Variants in HRH1 observed in about 807,000 individuals in gnomAD.
HRH1 encodes the protein histamine H1 receptor.
Under a neutral mutation model 10.3 loss-of-function variants are expected in HRH1, and 6 were observed. The observed-to-expected ratio is 0.58, with a 90% CI of 0.32 to 1.15. HRH1 has a LOEUF of 1.15. HRH1 is among the 50% of genes most tolerant of loss of function. The probability of loss-of-function intolerance (pLI) is 0.05; values close to 1 mark genes in which losing one functional copy is unlikely to be tolerated. For synonymous variants in HRH1, 242 were observed against 236.7 expected, an observed-to-expected ratio of 1.02 and a Z score of -0.21; for missense variants, 514 against 615.3, an observed-to-expected ratio of 0.84 and a Z score of 1.74.
intron 1 of HRH1, among the ~76,000 whole-genome samples, chr3:11,203,288 T>C (rs1937999401): frequency 1.3e-5 from 2 of 152,216 alleles, no homozygotes; most frequent in Admixed American, 6.5e-5. Flanking sequence ...AATTGCTGCA[T>C]GGTATGGTAA....
At chr3:11,141,010 G>A (rs1255912967) in intron 1 of HRH1, among the ~76,000 whole-genome samples, 1 of 152,152 alleles carries the variant, frequency 6.6e-6, no homozygotes, top group Non-Finnish European at 1.5e-5. Flanking sequence ...TGCCTTTGGA[G>A]TGTACCCTCT....
At chr3:11,148,583 T>A (rs1936516113) in intron 1 of HRH1, among the ~76,000 whole-genome samples, 1 of 152,098 alleles carries the variant, frequency 6.6e-6, no homozygotes, top group Non-Finnish European at 1.5e-5. Context: ...TCAAAATGGC[T>A]ACCGAAGCTC....
At chr3:11,220,552 G>A (rs891138642) in intron 1 of HRH1, among the ~76,000 whole-genome samples, 2 of 152,216 alleles carry the variant, frequency 1.3e-5, no homozygotes, top group Non-Finnish European at 1.5e-5. Flanking sequence ...CATGCACACC[G>A]GCAGGTGAAA....
chr3:11,168,331 A>G (rs1168435370), intron 1 of HRH1, among the ~76,000 whole-genome samples: 3 of 152,188 alleles, frequency 2.0e-5, no homozygotes, highest in African/African-American at 7.2e-5. Context: ...TTCAGAAGAC[A>G]CTGAGAGCCT....
At chr3:11,228,554 G>A (rs953970981) in intron 1 of HRH1, among the ~76,000 whole-genome samples, 3 of 152,066 alleles carry the variant, frequency 2.0e-5, no homozygotes, top group African/African-American at 7.2e-5. Context: ...GGAAATATAA[G>A]TGAATATCAC....
intron 1 of HRH1, among the ~76,000 whole-genome samples, chr3:11,254,950 C>T (rs1413968882): frequency 6.6e-6 from 1 of 152,074 alleles, no homozygotes; most frequent in Admixed American, 6.6e-5. Context: ...TAAGCTAATT[C>T]GATTGGCTAA....
rs949614677 is a variant in HRH1 at position 11,181,042 on chromosome 3, G to T, written c.-36+26488G>T. 2.0e-5 allele frequency among the ~76,000 whole-genome samples: 3 copies of T among 150,224 alleles called. No individual in the cohort carries two copies. The Admixed American group carries it at 2.0e-4, about 10-fold the overall frequency. On this transcript the variant is annotated intron_variant, in intron 1 of 1. Transcript: ENST00000431010. ...TCATGCCTGTAATCTCAGCACTTTG[G>T]GAGGCTGAGGCAGGAGGATAGCTTG...
At chr3:11,238,158 G>A (rs1315513243) in intron 1 of HRH1, among the ~76,000 whole-genome samples, 6 of 152,090 alleles carry the variant, frequency 3.9e-5, no homozygotes, top group Non-Finnish European at 8.8e-5. Context: ...GGGTTGTGGG[G>A]AGCAGACAAA....
chr3:11,228,104 C>T (rs1375775536), intron 1 of HRH1, among the ~76,000 whole-genome samples: 2 of 152,288 alleles, frequency 1.3e-5, no homozygotes, highest in East Asian at 1.9e-4. Context: ...AACTGTGGTG[C>T]GTTAAAGGCA....
intron 1 of HRH1, among the ~76,000 whole-genome samples, chr3:11,147,806 A>C (rs918769513): frequency 6.6e-6 from 1 of 152,216 alleles, no homozygotes; most frequent in Non-Finnish European, 1.5e-5. Flanking sequence ...GATGGACTTT[A>C]GGCCCAGGCT....
chr3:11,162,255 T>C (rs1260607533), intron 1 of HRH1, among the ~76,000 whole-genome samples: 1 of 152,128 alleles, frequency 6.6e-6, no homozygotes, highest in Non-Finnish European at 1.5e-5. Context: ...GGAGGAGCCA[T>C]TGAGGAGCTG....
rs537626962 is a variant in HRH1, at chr3:11,155,175, T to G, written c.-36+621T>G. Among the ~76,000 whole-genome samples the G allele has an allele frequency of 1.2e-4, 18 of 152,222 alleles. No individual in the cohort carries two copies. The South Asian group carries it at 3.7e-3, about 32-fold the overall frequency. On this transcript the variant is annotated intron_variant, in intron 1 of 1. Transcript: ENST00000431010. ...GTCACCTGGAGTCGGGGGTGGGAAC[T>G]GTCCGGACCACCACCCGCCCTTCCC...
chr3:11,255,309 TA>T (rs1559287378), intron 1 of HRH1, among the ~76,000 whole-genome samples: 1 of 152,162 alleles, frequency 6.6e-6, no homozygotes, highest in Non-Finnish European at 1.5e-5. Flanking sequence ...CTCTCCCCTC[TA>T]TGTGCCAGAC....
At chr3:11,225,178 A>G (rs959623475) in intron 1 of HRH1, among the ~76,000 whole-genome samples, 1 of 152,244 alleles carries the variant, frequency 6.6e-6, no homozygotes, top group Non-Finnish European at 1.5e-5. Context: ...ATTTTCTTGT[A>G]GATTCCCCAG....
chr3:11,182,252 G>A (rs1937372264), intron 1 of HRH1, among the ~76,000 whole-genome samples: 1 of 152,266 alleles, frequency 6.6e-6, no homozygotes, highest in South Asian at 2.1e-4. Flanking sequence ...AAAGTGCTGG[G>A]ATTACAAGTG....
chr3:11,188,647 T>C (rs1937491383), intron 1 of HRH1, among the ~76,000 whole-genome samples: 1 of 152,186 alleles, frequency 6.6e-6, no homozygotes, highest in Admixed American at 6.5e-5. Flanking sequence ...TGAGAAACAC[T>C]CTTGAATGTT....
At chr3:11,173,614 T>C (rs1937196424) in intron 1 of HRH1, among the ~76,000 whole-genome samples, 1 of 151,720 alleles carries the variant, frequency 6.6e-6, no homozygotes, top group Admixed American at 6.6e-5. Flanking sequence ...TTTATAAAAA[T>C]ATATTTTAAA....
At chr3:11,237,353 A>G (rs1939208505) in intron 1 of HRH1, among the ~76,000 whole-genome samples, 1 of 152,186 alleles carries the variant, frequency 6.6e-6, no homozygotes, top group South Asian at 2.1e-4. Context: ...TCACAATGGA[A>G]AAGAGGATGG....
At chr3:11,238,204 A>G (rs879588879) in intron 1 of HRH1, among the ~76,000 whole-genome samples, 2 of 152,194 alleles carry the variant, frequency 1.3e-5, no homozygotes, top group Non-Finnish European at 2.9e-5. Flanking sequence ...ACCAAATTAT[A>G]AAATGAGAAA....
Sources: allele counts gnomAD v4.1 joint callset (sites outside exome capture counted in the v4.1 genomes callset), GRCh38; gene constraint gnomAD v4.1.1; transcripts MANE v1.5; gene names NCBI Gene and HGNC (gene_info 2026-07-23, HGNC 2026-07-21).